The following ANKRD45 variants were observed in gnomAD, a reference collection of about 807,000 sequenced individuals.
ANKRD45 encodes ankyrin repeat domain-containing protein 45.
Under a neutral mutation model 28.1 loss-of-function variants are expected in ANKRD45, and 21 were observed. That is an observed-to-expected ratio of 0.75 (90% CI 0.53 to 1.08). The LOEUF is 1.08. ANKRD45 is among the 50% of genes least tolerant of loss of function. ANKRD45 has a pLI of 0.00. For missense variants in ANKRD45, 261 were observed against 308.7 expected, an observed-to-expected ratio of 0.85 and a Z score of 1.16; for synonymous variants, 86 against 103.9, an observed-to-expected ratio of 0.83 and a Z score of 1.05.
Position 173,659,162 on chromosome 1 carries a change from A to AT in ANKRD45, c.256dup (p.Met86AsnfsTer6), listed in dbSNP as rs773345647. The AT allele has an allele frequency of 4.3e-6, 7 of 1,614,192 alleles. No homozygotes were observed. Among genetic ancestry groups the AT allele is most frequent in the Non-Finnish European group, 5.9e-6 (7 of 1,180,034 alleles). On this transcript the variant is annotated frameshift_variant, in exon 2 of 6. Coordinates refer to ENST00000333279, the MANE Select transcript of ANKRD45 (RefSeq NM_198493.3). LOFTEE classifies it high-confidence loss of function. ...TCTAATCACGTCACTTTGCCCAGCC[A>AT]TGCAAGCTGCATACAACAAATTTCT... is the stretch of plus-strand genomic sequence containing the variant.
chr1:173,616,879 G>C (rs1011367423), intron 5 of ANKRD45, among the ~76,000 whole-genome samples: 1 of 152,168 alleles, frequency 6.6e-6, no homozygotes, highest in Non-Finnish European at 1.5e-5. Context: ...CAGAAAGAAT[G>C]AAGAAAAGTA....
At chr1:173,696,822 A>C in the ANKRD45 span, among the ~76,000 whole-genome samples, 1 of 152,106 alleles carries the variant, frequency 6.6e-6, no homozygotes, top group Non-Finnish European at 1.5e-5. Context: ...GACTTTGATG[A>C]GTTGACAGAA....
At chr1:173,651,096 A>C (rs903267079) in intron 2 of ANKRD45, among the ~76,000 whole-genome samples, 2 of 152,122 alleles carry the variant, frequency 1.3e-5, no homozygotes, top group South Asian at 2.1e-4. Context: ...CTTTAGTTTA[A>C]TTAGATACTG....
rs1385597682 is a variant in ANKRD45 at position 173,659,188 on chromosome 1, C to T, written c.231G>A (p.Gly77=). 1.2e-6 allele frequency: 2 copies of T among 1,613,962 alleles called. No homozygotes were observed. Among genetic ancestry groups the T allele is most frequent in the African/African-American group, 1.3e-5 (1 of 74,906 alleles). ...MQLLLEEDIV[G]RNLLYAACMA... is the part of the protein sequence containing the mutation. ...TGCAAGCTGCATACAACAAATTTCT[C>T]CCAACGATGTCTTCTTCTAAGAGAA... The change falls in exon 2 of 6, where the codon GGG becomes GGA. Residue 77 remains glycine, a synonymous_variant. Coordinates refer to ENST00000333279, the MANE Select transcript of ANKRD45 (RefSeq NM_198493.3).
chr1:173,706,284 A>T, the ANKRD45 span, among the ~76,000 whole-genome samples: 4 of 143,100 alleles, frequency 2.8e-5, no homozygotes, highest in Non-Finnish European at 4.5e-5. Flanking sequence ...CCTGGACAAC[A>T]GAGCAAGATT....
the ANKRD45 span, among the ~76,000 whole-genome samples, chr1:173,700,917 T>TAC: frequency 2.0e-5 from 3 of 152,198 alleles, no homozygotes; most frequent in Non-Finnish European, 4.4e-5. Context: ...TTTTGCAATC[T>TAC]ACCCATCTGA....
At chr1:173,691,448 C>T in the ANKRD45 span, among the ~76,000 whole-genome samples, 3 of 152,152 alleles carry the variant, frequency 2.0e-5, no homozygotes, top group Non-Finnish European at 4.4e-5. Flanking sequence ...AGAAATAGCA[C>T]TCAAATATAA....
At position 173,636,732 on chromosome 1, in the gene ANKRD45, C is replaced by T. The variant is rs570093127; in HGVS notation, c.497-9573G>A. Reference sequence around the variant, plus strand: ...ATAAGGTTTGTTTACATATTTAGAACATAAATTTAATTTGAACTATATTAT... The same window carrying T: ...ATAAGGTTTGTTTACATATTTAGAATATAAATTTAATTTGAACTATATTAT... On this transcript the variant is annotated intron_variant, in intron 3 of 5. Transcript: ENST00000333279. The T allele has an allele frequency of 2.1e-4, 188 of 881,664 alleles. 2 individuals carry two copies. The highest frequency in any genetic ancestry group is 3.9e-5 in the Non-Finnish European group (23 of 595,464). The allele number at this position is 881,664 out of a possible 1,614,324, so 54.6% of individuals were successfully genotyped here. A position where few individuals can be genotyped will look rare whatever the true frequency, so the allele number is the denominator to read the frequency against.
chr1:173,655,743 T>A (rs1223853935), intron 2 of ANKRD45, among the ~76,000 whole-genome samples: 1 of 152,240 alleles, frequency 6.6e-6, no homozygotes, highest in Non-Finnish European at 1.5e-5. Context: ...CTTGCTGAGC[T>A]GTGGTGGGCT....
the ANKRD45 span, among the ~76,000 whole-genome samples, chr1:173,698,999 G>A: frequency 9.2e-5 from 14 of 152,002 alleles, no homozygotes; most frequent in East Asian, 1.4e-3. Context: ...TATCACCACC[G>A]ATCCCACAGA....
chr1:173,704,306 G>A, the ANKRD45 span, among the ~76,000 whole-genome samples: 3 of 152,210 alleles, frequency 2.0e-5, no homozygotes. Context: ...CTTGCCAGTA[G>A]TAAGAATTTA....
chr1:173,625,674 A>G (rs1667902908), intron 4 of ANKRD45, among the ~76,000 whole-genome samples: 1 of 152,136 alleles, frequency 6.6e-6, no homozygotes, highest in Non-Finnish European at 1.5e-5. Context: ...GGTGTCCATA[A>G]TATCTTATTG....
intron 5 of ANKRD45, among the ~76,000 whole-genome samples, chr1:173,622,769 A>G (rs1201052672): frequency 1.3e-5 from 2 of 152,170 alleles, no homozygotes; most frequent in Non-Finnish European, 2.9e-5. Context: ...TGAGTAAAAC[A>G]CCAAAAGCAA....
chr1:173,637,932 G>T (rs1224978361), intron 3 of ANKRD45, among the ~76,000 whole-genome samples: 2 of 152,152 alleles, frequency 1.3e-5, no homozygotes, highest in African/African-American at 2.4e-5. Flanking sequence ...AGGACAGCCA[G>T]GACCTACCCG....
the ANKRD45 span, among the ~76,000 whole-genome samples, chr1:173,695,521 A>C: frequency 1.3e-5 from 2 of 152,166 alleles, no homozygotes; most frequent in African/African-American, 4.8e-5. Context: ...CGTTGCTGCA[A>C]AGGACATGAT....
intron 2 of ANKRD45, among the ~76,000 whole-genome samples, chr1:173,654,456 C>T (rs961236574): frequency 5.9e-5 from 9 of 152,122 alleles, no homozygotes; most frequent in African/African-American, 9.7e-5. Flanking sequence ...GAGTTTCTGC[C>T]GAGAGATCAG....
the ANKRD45 span, among the ~76,000 whole-genome samples, chr1:173,703,063 T>C: frequency 3.9e-5 from 6 of 151,950 alleles, no homozygotes. Context: ...TGAGATGAAG[T>C]CTCATTCTGT....
intron 5 of ANKRD45, among the ~76,000 whole-genome samples, chr1:173,611,358 G>T (rs1667140286): frequency 1.3e-5 from 2 of 152,042 alleles, no homozygotes; most frequent in South Asian, 4.1e-4. Flanking sequence ...TAAGTGGTAG[G>T]CTCCTAGGAG....
chr1:173,637,199 C>A (rs1194210471), intron 3 of ANKRD45: 1 of 564,164 alleles, frequency 1.8e-6, no homozygotes, highest in Admixed American at 3.5e-5. Context: ...ACTTCCCATT[C>A]AATTAAAAAA....
Sources: gnomAD v4.1 joint callset for allele counts (sites outside exome capture counted in the v4.1 genomes callset) on GRCh38, gnomAD v4.1.1 for gene constraint, MANE v1.5 for transcripts, NCBI Gene and HGNC (gene_info 2026-07-23, HGNC 2026-07-21) for gene names.